KALRN: variants seen among roughly 807,000 people sequenced by gnomAD.
KALRN encodes kalirin RhoGEF kinase, also known as kalirin.
A neutral mutation model predicts 353.7 loss-of-function variants in KALRN; 70 were observed. The ratio of observed to expected loss-of-function variants is 0.20; its 90% CI spans 0.16 to 0.24. KALRN has a LOEUF of 0.24. KALRN is among the 10% of genes least tolerant of loss of function. The pLI is 1.00. For missense variants in KALRN, 2,791 were observed against 3,756.7 expected, an observed-to-expected ratio of 0.74 and a Z score of 6.72; for synonymous variants, 1,391 against 1,434.8, an observed-to-expected ratio of 0.97 and a Z score of 0.69.
chr3:124,243,982 G>C (rs2080818999), intron 3 of KALRN, among the ~76,000 whole-genome samples: 1 of 152,140 alleles, frequency 6.6e-6, no homozygotes, highest in African/African-American at 2.4e-5. Flanking sequence ...TTATGCTTAA[G>C]TTTAGGATTA....
chr3:124,345,327 T>C (rs974856504), intron 9 of KALRN, among the ~76,000 whole-genome samples: 5 of 152,230 alleles, frequency 3.3e-5, no homozygotes, highest in African/African-American at 1.2e-4. Context: ...ACCTTTGACC[T>C]TGCATGCTGA....
intron 6 of KALRN, among the ~76,000 whole-genome samples, chr3:124,312,348 A>G (rs1420954029): frequency 6.6e-6 from 1 of 152,098 alleles, no homozygotes; most frequent in Non-Finnish European, 1.5e-5. Flanking sequence ...TTTAGTAGAG[A>G]TGGGGTTTCG....
chr3:124,047,919 CT>C (rs1281705875), intron 1 of KALRN, among the ~76,000 whole-genome samples: 1 of 152,118 alleles, frequency 6.6e-6, no homozygotes, highest in Non-Finnish European at 1.5e-5. Context: ...CACTGTAATT[CT>C]ATCACCCAGA....
chr3:124,179,334 C>T (rs1379117964), intron 1 of KALRN, among the ~76,000 whole-genome samples: 3 of 151,978 alleles, frequency 2.0e-5, no homozygotes, highest in Non-Finnish European at 2.9e-5. Flanking sequence ...TAGCCTAGGC[C>T]TACACAGGGT....
At chr3:124,347,076 G>T in intron 9 of KALRN, 67 bp from the exon 10 acceptor site, 1 of 1,607,216 alleles carries the variant, frequency 6.2e-7, no homozygotes. Context: ...TCTAGCAGTT[G>T]CACATGTTGT....
At chr3:124,171,722 T>C (rs2071873126) in intron 1 of KALRN, among the ~76,000 whole-genome samples, 1 of 152,226 alleles carries the variant, frequency 6.6e-6, no homozygotes, top group African/African-American at 2.4e-5. Flanking sequence ...ACTTCTGTTT[T>C]TCTGATCCTC....
chr3:124,261,110 G>A (rs184264744), intron 3 of KALRN, among the ~76,000 whole-genome samples: 3 of 150,202 alleles, frequency 2.0e-5, no homozygotes, highest in African/African-American at 4.9e-5. Flanking sequence ...GGCTGGTCTC[G>A]AACTTCTGAC....
intron 34 of KALRN, among the ~76,000 whole-genome samples, chr3:124,624,247 A>G (rs998164594): frequency 1.3e-5 from 2 of 152,194 alleles, no homozygotes; most frequent in Admixed American, 6.6e-5. Context: ...CTGGCATTGC[A>G]GTGCTTGCGT....
At chr3:124,573,747 G>A (rs2073801604) in intron 34 of KALRN, among the ~76,000 whole-genome samples, 1 of 152,088 alleles carries the variant, frequency 6.6e-6, no homozygotes. Context: ...CCTACCCTGG[G>A]TCCTTTCTAC....
chr3:124,531,794 G>A (rs2068064644), intron 33 of KALRN, among the ~76,000 whole-genome samples: 1 of 152,064 alleles, frequency 6.6e-6, no homozygotes, highest in Admixed American at 6.6e-5. Flanking sequence ...CCAACATTGG[G>A]GATTATAATT....
At chr3:124,344,369 T>G (rs2082067845) in intron 9 of KALRN, among the ~76,000 whole-genome samples, 1 of 152,254 alleles carries the variant, frequency 6.6e-6, no homozygotes, top group Non-Finnish European at 1.5e-5. Flanking sequence ...GTTTCTCTGC[T>G]GCGCAGGATC....
intron 9 of KALRN, among the ~76,000 whole-genome samples, chr3:124,337,161 C>A (rs1412064422): frequency 6.6e-6 from 1 of 152,130 alleles, no homozygotes; most frequent in Admixed American, 6.5e-5. Flanking sequence ...CTTTCTCTTG[C>A]CTGATTGCCC....
At chr3:124,298,674 A>G (rs2149212942) in intron 5 of KALRN, 117 bp from the exon 6 acceptor site, 1 of 1,154,124 alleles carries the variant, frequency 8.7e-7, no homozygotes, top group Admixed American at 1.8e-5. Context: ...CAGAACAATA[A>G]CTGGTTCTCA....
At chr3:124,202,528 A>G (rs994663165) in intron 1 of KALRN, among the ~76,000 whole-genome samples, 2 of 152,188 alleles carry the variant, frequency 1.3e-5, no homozygotes, top group African/African-American at 4.8e-5. Context: ...CTGGGATTAC[A>G]GGTTTGAGCC....
intron 25 of KALRN, among the ~76,000 whole-genome samples, chr3:124,471,488 T>C (rs985533464): frequency 1.3e-5 from 2 of 151,874 alleles, no homozygotes; most frequent in African/African-American, 4.8e-5. Flanking sequence ...GGTTTCATCA[T>C]GTTGGCTAAG....
intron 37 of KALRN, among the ~76,000 whole-genome samples, chr3:124,637,865 C>T (rs969082901): frequency 2.0e-5 from 3 of 152,172 alleles, no homozygotes; most frequent in African/African-American, 7.2e-5. Context: ...CCACTGGCAG[C>T]CTGTCTAGCC....
intron 1 of KALRN, among the ~76,000 whole-genome samples, chr3:124,188,893 G>A (rs1381057194): frequency 1.3e-5 from 2 of 152,166 alleles, no homozygotes; most frequent in Non-Finnish European, 2.9e-5. Context: ...GAGGGGCCCA[G>A]GTAGATGCTG....
chr3:124,180,189 A>G (rs1054288022), intron 1 of KALRN, among the ~76,000 whole-genome samples: 1 of 152,004 alleles, frequency 6.6e-6, no homozygotes, highest in African/African-American at 2.4e-5. Flanking sequence ...CACTGGGGCT[A>G]TTTTGTTTCT....
At chr3:124,130,558 C>A (rs1245350276) in intron 1 of KALRN, among the ~76,000 whole-genome samples, 2 of 152,012 alleles carry the variant, frequency 1.3e-5, no homozygotes, top group Non-Finnish European at 2.9e-5. Flanking sequence ...ATTTATACAG[C>A]ACTTTAAAGA....
Sources: allele counts gnomAD v4.1 joint callset (sites outside exome capture counted in the v4.1 genomes callset), GRCh38; gene constraint gnomAD v4.1.1; transcripts MANE v1.5; gene names NCBI Gene and HGNC (gene_info 2026-07-23, HGNC 2026-07-21).